Variants in SEMA6A observed in about 807,000 individuals in gnomAD.
SEMA6A encodes semaphorin-6A.
In SEMA6A, 25 loss-of-function variants were observed where a neutral mutation model predicts 96.8. The observed-to-expected ratio is 0.26, with a 90% CI of 0.19 to 0.36. The LOEUF (loss-of-function observed/expected upper bound fraction) is 0.36. SEMA6A is among the 10% of genes least tolerant of loss of function. SEMA6A has a pLI of 1.00. For missense variants in SEMA6A, 1,363 were observed against 1,323.1 expected (o/e 1.03, Z -0.47); for synonymous variants, 612 against 518.0 (o/e 1.18, Z -2.46).
intron 2 of SEMA6A, chr5:116,502,763 A>T (rs1337762794): frequency 6.0e-6 from 1 of 166,292 alleles, no homozygotes; most frequent in Non-Finnish European, 1.3e-5. Context: ...CACAAATGCA[A>T]TGTGGTCTGG....
intron 3 of SEMA6A, 93 bp downstream of exon 3, chr5:116,502,117 C>T: frequency 1.1e-6 from 1 of 922,142 alleles, no homozygotes; most frequent in South Asian, 1.5e-5. Context: ...TATTTAGAAA[C>T]CTCAAGATCT....
chr5:116,481,344 TAAC>T lies in SEMA6A; in HGVS notation c.1095-1070_1095-1068del, dbSNP rs568683337. Among the ~76,000 whole-genome samples, 304 of 152,294 alleles carry T rather than the reference TAAC, an allele frequency of 2.0e-3. 1 individual carries two copies. The highest frequency in any genetic ancestry group is 7.1e-3 in the African/African-American group (293 of 41,560). On this transcript the variant is annotated intron_variant, in intron 11 of 18. Transcript: ENST00000343348. ...TATCTAGAACTATCTAGAAGGTAGT[TAAC>T]AATCCCAGGCAATGACTTAAGACTA...
At position 116,448,196 on chromosome 5, in the gene SEMA6A, A is replaced by AAAAAAAAAAT. The variant is rs780426357; in HGVS notation, c.1895-386_1895-385insATTTTTTTTT. Among the ~76,000 whole-genome samples, 1,145 of 138,502 alleles carry AAAAAAAAAAT rather than the reference A, an allele frequency of 8.3e-3. 20 individuals carry two copies. The highest frequency in any genetic ancestry group is 0.023 in the Middle Eastern group (6 of 260). The allele number at this position is 138,502 out of a possible 152,430, so 90.9% of individuals were successfully genotyped here. On this transcript the variant is annotated intron_variant, in intron 18 of 18. Coordinates refer to ENST00000343348, the MANE Select transcript of SEMA6A (RefSeq NM_020796.5). Reference sequence around the variant, plus strand: ...AAAAAAAAAAAAAAAAAAAAAAAAAATTAGCCAGGCGCGGTGGCGGGGGCT... The same window carrying AAAAAAAAAAT: ...AAAAAAAAAAAAAAAAAAAAAAAAAAAAAAAAAAATTTAGCCAGGCGCGGTGGCGGGGGCT...
chr5:116,521,807 T>C (rs894709591), intron 1 of SEMA6A, among the ~76,000 whole-genome samples: 1 of 151,620 alleles, frequency 6.6e-6, no homozygotes, highest in Non-Finnish European at 1.5e-5. Context: ...TTTTTGTTTC[T>C]GAGAAAAACA....
At chr5:116,490,724 C>T (rs1455640805) in intron 7 of SEMA6A, among the ~76,000 whole-genome samples, 3 of 152,162 alleles carry the variant, frequency 2.0e-5, no homozygotes, top group African/African-American at 7.2e-5. Context: ...AAGCCAGGAA[C>T]TAATCTTGTT....
chr5:116,545,425 C>A (rs145129648), intron 1 of SEMA6A, among the ~76,000 whole-genome samples: 5,390 of 152,050 alleles, frequency 0.035, 134 homozygotes, highest in Non-Finnish European at 0.054. Context: ...CAAAAATTAC[C>A]CAGGCGTGGT....
At chr5:116,543,929 T>A (rs776774595) in intron 1 of SEMA6A, among the ~76,000 whole-genome samples, 34 of 152,222 alleles carry the variant, frequency 2.2e-4, no homozygotes, top group African/African-American at 4.8e-5. Flanking sequence ...TTTAGTCTTC[T>A]GAACTGCTGT....
intron 17 of SEMA6A, 135 bp from the exon 18 acceptor site, chr5:116,467,882 A>G (rs1014574310): frequency 1.1e-4 from 62 of 551,302 alleles, no homozygotes; most frequent in Middle Eastern, 4.3e-4. Flanking sequence ...GACACGGCTT[A>G]GTGGTGGTGG....
chr5:116,518,481 C>CTGATT (rs1758770839), intron 1 of SEMA6A, among the ~76,000 whole-genome samples: 1 of 152,166 alleles, frequency 6.6e-6, no homozygotes, highest in South Asian at 2.1e-4. Context: ...ACCATCTCTG[C>CTGATT]CAGACCAGAA....
chr5:116,528,993 T>C (rs542811209), intron 1 of SEMA6A, among the ~76,000 whole-genome samples: 54 of 152,304 alleles, frequency 3.5e-4, no homozygotes, highest in African/African-American at 1.3e-3. Context: ...GGATTCAAGT[T>C]GTGAAACTGG....
intron 1 of SEMA6A, among the ~76,000 whole-genome samples, chr5:116,543,552 G>C (rs190768196): frequency 4.4e-4 from 67 of 152,282 alleles, no homozygotes; most frequent in African/African-American, 1.0e-3. Context: ...TCATCTTTTA[G>C]AATAAGGCCA....
rs66523615 is a variant in SEMA6A at position 116,551,317 on chromosome 5, TACACACAC to T, written c.-39+22860_-39+22867del. The stretch of plus-strand genomic sequence containing the variant: ...TCAATTCTGCATGATAGTCTTAGCA[TACACACAC>T]ACACACACACACACACACACACACA... On this transcript the variant is annotated intron_variant, in intron 1 of 18. Coordinates refer to ENST00000343348, the MANE Select transcript of SEMA6A (RefSeq NM_020796.5). Among the ~76,000 whole-genome samples the T allele has an allele frequency of 3.3e-4, 47 of 142,528 alleles. 1 individual carries two copies. Among genetic ancestry groups the T allele is most frequent in the Admixed American group, 1.8e-3 (25 of 14,112 alleles). The allele number at this position is 142,528 out of a possible 152,430, so 93.5% of individuals were successfully genotyped here.
intron 1 of SEMA6A, among the ~76,000 whole-genome samples, chr5:116,555,595 T>C (rs1311985272): frequency 6.6e-6 from 1 of 152,076 alleles, no homozygotes; most frequent in African/African-American, 2.4e-5. Flanking sequence ...TCCTAGCTAC[T>C]TGGGAGGCTG....
At chr5:116,522,626 G>A (rs1035491598) in intron 1 of SEMA6A, among the ~76,000 whole-genome samples, 1 of 152,210 alleles carries the variant, frequency 6.6e-6, no homozygotes, top group Non-Finnish European at 1.5e-5. Context: ...AGGCCACAGT[G>A]CAGTCTAACA....
Position 116,546,411 on chromosome 5 carries a change from C to T in SEMA6A, c.-39+27774G>A, listed in dbSNP as rs79965567. The stretch of plus-strand genomic sequence containing the variant: ...TGCTCCTTCTTTTCCTAGGATAACC[C>T]TACTACTGCACCCCACACTGTATGT... On this transcript the variant is annotated intron_variant, in intron 1 of 18. Coordinates refer to ENST00000343348, the MANE Select transcript of SEMA6A (RefSeq NM_020796.5). Among the ~76,000 whole-genome samples the T allele has an allele frequency of 7.2e-3, 1,099 of 152,370 alleles. 10 individuals carry two copies. Among genetic ancestry groups the T allele is most frequent in the Non-Finnish European group, 0.013 (854 of 68,040 alleles).
At chr5:116,559,371 G>A (rs1265920915) in intron 1 of SEMA6A, among the ~76,000 whole-genome samples, 1 of 152,182 alleles carries the variant, frequency 6.6e-6, no homozygotes, top group Non-Finnish European at 1.5e-5. Flanking sequence ...CTGGCCGGAA[G>A]ACAGGTACCC....
At chr5:116,501,688 G>A (rs1348777945) in intron 3 of SEMA6A, among the ~76,000 whole-genome samples, 2 of 152,176 alleles carry the variant, frequency 1.3e-5, no homozygotes, top group Non-Finnish European at 2.9e-5. Context: ...AGGAGTTCAA[G>A]ACCAGCCTGA....
rs60534452 is a variant in SEMA6A, at chr5:116,520,255, C to CTT, written c.-38-15275_-38-15274dup. On this transcript the variant is annotated intron_variant, in intron 1 of 18. Transcript: ENST00000343348. Reference sequence around the variant, plus strand: ...CCTGAGCCCCCAAAGCAGCCTGATGCTTTTTTTTTTTTTTTTCATCACTTT... The same window carrying CTT: ...CCTGAGCCCCCAAAGCAGCCTGATGCTTTTTTTTTTTTTTTTTTCATCACTTT... Among the ~76,000 whole-genome samples the CTT allele has an allele frequency of 7.5e-3, 1,015 of 135,362 alleles. 4 individuals are homozygous for CTT. Among genetic ancestry groups the CTT allele is most frequent in the Non-Finnish European group, 0.012 (738 of 62,730 alleles). 88.8% of individuals were successfully genotyped at this position (135,362 alleles called of 152,430 possible).
At chr5:116,457,513 T>A (rs907975856) in intron 18 of SEMA6A, among the ~76,000 whole-genome samples, 1 of 152,094 alleles carries the variant, frequency 6.6e-6, no homozygotes, top group Non-Finnish European at 1.5e-5. Flanking sequence ...AATATGAAAT[T>A]TAAAAATAAT....
Sources: gnomAD v4.1 joint callset for allele counts (sites outside exome capture counted in the v4.1 genomes callset) on GRCh38, gnomAD v4.1.1 for gene constraint, MANE v1.5 for transcripts, NCBI Gene and HGNC (gene_info 2026-07-23, HGNC 2026-07-21) for gene names.